The following NPR3 variants were observed in gnomAD, a reference collection of about 807,000 sequenced individuals.
The protein encoded by NPR3 is natriuretic peptide receptor 3.
In NPR3, 34 loss-of-function variants were observed where a neutral mutation model predicts 54.5. That is an observed-to-expected ratio of 0.62 (90% CI 0.47 to 0.83). The LOEUF is 0.83. Among genes scored for constraint, NPR3 ranks in the 40% least tolerant of loss-of-function variants. The probability of loss-of-function intolerance (pLI) is 0.00; values close to 1 mark genes in which losing one functional copy is unlikely to be tolerated. For synonymous variants in NPR3, 289 were observed against 297.1 expected, an observed-to-expected ratio of 0.97 and a Z score of 0.28; for missense variants, 674 against 720.8, an observed-to-expected ratio of 0.94 and a Z score of 0.74.
chr5:32,759,221 A>T (rs1320944498), intron 3 of NPR3, among the ~76,000 whole-genome samples: 1 of 152,128 alleles, frequency 6.6e-6, no homozygotes, highest in African/African-American at 2.4e-5. Flanking sequence ...GTTTCCCATT[A>T]TTATTGTGTG....
At position 32,739,437 on chromosome 5, in the gene NPR3, G is replaced by A. The variant is rs186087682; in HGVS notation, c.1059+407G>A. ...TGCCTAATTTTTTCAAAGCTTGGTG[G>A]CAGCTGATATTTGGGGTTTTAGGAT... On this transcript the variant is annotated intron_variant, in intron 3 of 7. Transcript: ENST00000265074. 1.2e-3 allele frequency among the ~76,000 whole-genome samples: 176 copies of A among 152,260 alleles called. 1 individual carries two copies. Among genetic ancestry groups the A allele is most frequent in the African/African-American group, 4.1e-3 (170 of 41,550 alleles).
intron 1 of NPR3, among the ~76,000 whole-genome samples, chr5:32,702,622 T>C (rs1165685636): frequency 2.0e-5 from 3 of 152,250 alleles, no homozygotes; most frequent in South Asian, 2.1e-4. Flanking sequence ...TAGTATTCCA[T>C]AGTGTATATG....
intron 3 of NPR3, among the ~76,000 whole-genome samples, chr5:32,744,206 T>TG (rs1740183062): frequency 6.6e-6 from 1 of 152,086 alleles, no homozygotes; most frequent in Non-Finnish European, 1.5e-5. Flanking sequence ...TTGGCCAAGA[T>TG]GGTCTCGATC....
chr5:32,766,327 A>G (rs116700082), intron 3 of NPR3, among the ~76,000 whole-genome samples: 2,566 of 152,300 alleles, frequency 0.017, 76 homozygotes, highest in African/African-American at 0.059. Flanking sequence ...AAAAAATAAT[A>G]TCTGAAAAAC....
At chr5:32,770,531 G>A (rs187164572) in intron 3 of NPR3, among the ~76,000 whole-genome samples, 10 of 152,280 alleles carry the variant, frequency 6.6e-5, no homozygotes, top group Admixed American at 6.5e-4. Context: ...GCAAGAATGA[G>A]TGGAAGATGG....
At chr5:32,716,352 T>A (rs1738544692) in intron 1 of NPR3, 1 of 448,842 alleles carries the variant, frequency 2.2e-6, no homozygotes, top group African/African-American at 2.1e-5. Context: ...CCTTCATATC[T>A]CTTAATAACA....
intron 7 of NPR3, among the ~76,000 whole-genome samples, chr5:32,785,250 T>C (rs1742558023): frequency 6.7e-6 from 1 of 149,770 alleles, no homozygotes; most frequent in African/African-American, 2.5e-5. Flanking sequence ...CCTCCTGGGT[T>C]CAAGCAATTC....
intron 3 of NPR3, among the ~76,000 whole-genome samples, chr5:32,765,625 A>C (rs112128968): frequency 1.5e-4 from 23 of 152,340 alleles, no homozygotes; most frequent in African/African-American, 5.3e-4. Context: ...ACAGATGCGC[A>C]AAAGTGCAAA....
chr5:32,707,996 TAAAAA>T (rs58410343), upstream of NPR3, among the ~76,000 whole-genome samples: 3 of 131,492 alleles, frequency 2.3e-5, no homozygotes, highest in Admixed American at 1.5e-4. Context: ...GTAGTAGCTT[TAAAAA>T]AAAAAAAAAA....
chr5:32,693,186 T>A (rs1031280159), intron 1 of NPR3, among the ~76,000 whole-genome samples: 2 of 152,216 alleles, frequency 1.3e-5, no homozygotes, highest in Non-Finnish European at 2.9e-5. Flanking sequence ...CATGACTGTA[T>A]CGGAATGTTC....
At chr5:32,692,402 A>G (rs531047488) in intron 1 of NPR3, among the ~76,000 whole-genome samples, 61 of 152,362 alleles carry the variant, frequency 4.0e-4, no homozygotes, top group African/African-American at 1.4e-3. Flanking sequence ...AAGGCTGACA[A>G]GAGAATATTT....
At chr5:32,779,999 A>G (rs564707080) in intron 4 of NPR3, among the ~76,000 whole-genome samples, 174 of 152,280 alleles carry the variant, frequency 1.1e-3, no homozygotes, top group Non-Finnish European at 2.0e-3. Flanking sequence ...AGCTATGTAA[A>G]TGTAAAAACT....
intron 1 of NPR3, among the ~76,000 whole-genome samples, chr5:32,693,918 A>G (rs1171293747): frequency 1.3e-5 from 2 of 152,294 alleles, no homozygotes; most frequent in African/African-American, 2.4e-5. Flanking sequence ...CCTTCATACA[A>G]TCTGCTTCCG....
intron 3 of NPR3, among the ~76,000 whole-genome samples, chr5:32,764,659 G>A (rs566666698): frequency 6.6e-6 from 1 of 151,592 alleles, no homozygotes; most frequent in African/African-American, 2.4e-5. Flanking sequence ...GTGGTGGCGG[G>A]TGCCTGTAGT....
At chr5:32,717,106 T>A (rs1041828151) in intron 1 of NPR3, among the ~76,000 whole-genome samples, 1 of 151,630 alleles carries the variant, frequency 6.6e-6, no homozygotes, top group African/African-American at 2.4e-5. Flanking sequence ...ATGTGGTTTT[T>A]GGTTTTCTGT....
At chr5:32,690,916 C>T (rs912114129) in intron 1 of NPR3, among the ~76,000 whole-genome samples, 1 of 152,210 alleles carries the variant, frequency 6.6e-6, no homozygotes, top group Non-Finnish European at 1.5e-5. Context: ...CTGACCACCC[C>T]GGGTATTCTC....
chr5:32,699,515 A>C (rs1740614054), intron 1 of NPR3, among the ~76,000 whole-genome samples: 1 of 152,034 alleles, frequency 6.6e-6, no homozygotes, highest in Admixed American at 6.6e-5. Flanking sequence ...CCCTGTGTCC[A>C]TGTGTTCTTA....
At position 32,790,710 on chromosome 5, in the gene NPR3, G is replaced by A. The variant is rs761457266; in HGVS notation, c.*4365G>A. 6.0e-6 allele frequency: 1 copy of A among 166,756 alleles called. No homozygotes were observed. Among genetic ancestry groups the A allele is most frequent in the Non-Finnish European group, 1.5e-5 (1 of 68,118 alleles). 10.3% of individuals were successfully genotyped at this position (166,756 alleles called of 1,614,324 possible). On this transcript the variant is annotated 3_prime_UTR_variant, in exon 8 of 8. Coordinates refer to ENST00000265074, the MANE Select transcript of NPR3 (RefSeq NM_001204375.2). ...TTCAAATTTCTCATTAACCACTAAT[G>A]TTAATTCATACCAAATGCAAAGTAT...
chr5:32,783,657 T>C (rs1167305920), intron 6 of NPR3: 1 of 152,218 alleles, frequency 6.6e-6, no homozygotes, highest in Non-Finnish European at 1.5e-5. Flanking sequence ...TTTGAAAATA[T>C]CTTTTAAACT....
Sources: allele counts gnomAD v4.1 joint callset (sites outside exome capture counted in the v4.1 genomes callset), GRCh38; gene constraint gnomAD v4.1.1; transcripts MANE v1.5; gene names NCBI Gene and HGNC (gene_info 2026-07-23, HGNC 2026-07-21).